Variants in CELSR1 observed in about 807,000 individuals in gnomAD.
CELSR1 encodes the protein cadherin EGF LAG seven-pass G-type receptor 1, also known as adhesion G protein-coupled receptor C1.
In CELSR1, 110 loss-of-function variants were observed where a neutral mutation model predicts 249.1. The observed-to-expected ratio is 0.44, with a 90% confidence interval of 0.38 to 0.52. The LOEUF (loss-of-function observed/expected upper bound fraction) is 0.52. Ranked by LOEUF, CELSR1 falls within the 20% of genes least tolerant of loss-of-function variation. CELSR1 has a pLI of 0.00. For synonymous variants in CELSR1, 2,113 were observed against 1,900.0 expected (o/e 1.11, Z -2.92); for missense variants, 4,109 against 4,296.4 (o/e 0.96, Z 1.22).
At chr22:46,382,383 TTC>T (rs1282494416) in intron 20 of CELSR1, among the ~76,000 whole-genome samples, 1 of 152,154 alleles carries the variant, frequency 6.6e-6, no homozygotes, top group Non-Finnish European at 1.5e-5. Context: ...GTTCACGCCA[TTC>T]TCCTGCCTCA....
intron 14 of CELSR1, 40 bp downstream of exon 14, chr22:46,394,102 G>C: frequency 6.3e-7 from 1 of 1,598,814 alleles, no homozygotes; most frequent in South Asian, 1.1e-5. Context: ...ATGTGTGTGA[G>C]CAAACACAGC....
Position 46,500,942 on chromosome 22 carries a change from C to T in CELSR1, c.3544+32685G>A, listed in dbSNP as rs2080460100. On this transcript the variant is annotated intron_variant, in intron 1 of 34. Coordinates refer to ENST00000674500, the MANE Select transcript of CELSR1 (RefSeq NM_001378328.1). This position sits in a 1 kb window ranked among gnomAD's most constrained non-coding sequence, Gnocchi z 4.9. The stretch of plus-strand genomic sequence containing the variant: ...AGTGCTGAGAACCCTGTTTCTAACA[C>T]CCCTCCAGAGACCCAAAGATCTGAA... 6.6e-6 allele frequency among the ~76,000 whole-genome samples: 1 copy of T among 152,136 alleles called. No individual in the cohort carries two copies. The highest frequency in any genetic ancestry group is 2.4e-5 in the African/African-American group (1 of 41,444).
chr22:46,499,475 C>T (rs1217081792), intron 1 of CELSR1, among the ~76,000 whole-genome samples: 1 of 152,134 alleles, frequency 6.6e-6, no homozygotes, highest in Non-Finnish European at 1.5e-5. Flanking sequence ...ATGCCAGTGG[C>T]GAGAATATCA....
intron 2 of CELSR1, among the ~76,000 whole-genome samples, chr22:46,449,915 A>G (rs1415948267): frequency 6.6e-6 from 1 of 151,730 alleles, no homozygotes. Context: ...AGCCTCCAAC[A>G]TACATGGCTC....
chr22:46,421,448 G>T (rs1228031859), intron 5 of CELSR1, among the ~76,000 whole-genome samples: 2 of 152,168 alleles, frequency 1.3e-5, no homozygotes, highest in Non-Finnish European at 2.9e-5. Context: ...TAACACAAAG[G>T]CCCAGGGTGG....
At position 46,441,306 on chromosome 22, in the gene CELSR1, C is replaced by T. The variant is rs564868545; in HGVS notation, c.4184-1895G>A. Among the ~76,000 whole-genome samples, 3 of 152,132 alleles carry T rather than the reference C, an allele frequency of 2.0e-5. No homozygotes were observed. Among genetic ancestry groups the T allele is most frequent in the Non-Finnish European group, 4.4e-5 (3 of 68,014 alleles). On this transcript the variant is annotated intron_variant, in intron 2 of 34. Coordinates refer to ENST00000674500, the MANE Select transcript of CELSR1 (RefSeq NM_001378328.1). The surrounding 1 kb of genome is among the most constrained non-coding windows in gnomAD (Gnocchi z 6.1). ...GAGTCCCCAGAGTGGGATGGCTCCA[C>T]GATGGGCCCTTTGGACAGGCACCTG...
chr22:46,378,045 G>A (rs1027357363), intron 23 of CELSR1, among the ~76,000 whole-genome samples: 2 of 137,926 alleles, frequency 1.5e-5, no homozygotes, highest in African/African-American at 5.5e-5. Flanking sequence ...CCAGGACAGC[G>A]CTCGGGCCAT....
Position 46,423,969 on chromosome 22 carries a change from A to C in CELSR1, c.4611+9424T>G, listed in dbSNP as rs776366909. ...TGACAGAGTGAGACTGCATCTCAAA[A>C]CAAACAAAGAAAAAAAACACAAGTT... is the stretch of plus-strand genomic sequence containing the variant. On this transcript the variant is annotated intron_variant, in intron 5 of 34. Transcript: ENST00000674500. This position sits in a 1 kb window ranked among gnomAD's most constrained non-coding sequence, Gnocchi z 5.6. Among the ~76,000 whole-genome samples the C allele has an allele frequency of 6.6e-6, 1 of 152,180 alleles. No homozygotes were observed. Among genetic ancestry groups the C allele is most frequent in the Non-Finnish European group, 1.5e-5 (1 of 68,044 alleles).
chr22:46,415,949 C>T (rs1313107037), intron 5 of CELSR1, among the ~76,000 whole-genome samples: 1 of 152,236 alleles, frequency 6.6e-6, no homozygotes, highest in African/African-American at 2.4e-5. Flanking sequence ...CGCTGAAAGG[C>T]CGGCGTGGAG....
chr22:46,494,892 G>T (rs1376354032), intron 1 of CELSR1, among the ~76,000 whole-genome samples: 1 of 152,104 alleles, frequency 6.6e-6, no homozygotes, highest in African/African-American at 2.4e-5. Context: ...TTATACTATT[G>T]TAGGTTATAT....
chr22:46,468,661 A>T lies in CELSR1; in HGVS notation c.3545-4316T>A, dbSNP rs550326427. ...GGGTTTCAGTTTGGGGCCATGAAAA[A>T]GTTCTGGAGATAGATGGTGGTGATG... On this transcript the variant is annotated intron_variant, in intron 1 of 34. Transcript: ENST00000674500. This position sits in a 1 kb window ranked among gnomAD's most constrained non-coding sequence, Gnocchi z 4.5. 6.6e-6 allele frequency among the ~76,000 whole-genome samples: 1 copy of T among 152,264 alleles called. No individual in the cohort carries two copies. Among genetic ancestry groups the T allele is most frequent in the East Asian group, 1.9e-4 (1 of 5,188 alleles).
At chr22:46,513,915 C>CA (rs796514518) in intron 1 of CELSR1, among the ~76,000 whole-genome samples, 1 of 151,902 alleles carries the variant, frequency 6.6e-6, no homozygotes, top group African/African-American at 2.4e-5. Context: ...GCCTCAGCCC[C>CA]CCCCGAGTAG....
At chr22:46,431,020 G>A (rs914722758) in intron 5 of CELSR1, among the ~76,000 whole-genome samples, 1 of 152,228 alleles carries the variant, frequency 6.6e-6, no homozygotes, top group African/African-American at 2.4e-5. Context: ...GCAAGAGAGA[G>A]AAGTATCTGG....
At chr22:46,405,658 A>G (rs1316863813) in intron 9 of CELSR1, among the ~76,000 whole-genome samples, 1 of 152,086 alleles carries the variant, frequency 6.6e-6, no homozygotes, top group Non-Finnish European at 1.5e-5. Flanking sequence ...CAGCAATCTC[A>G]AGGTTATCCC....
rs1361059314 is a variant in CELSR1, at chr22:46,363,445, G to A, written c.9036-198C>T. 2 of 553,382 alleles carry A rather than the reference G, an allele frequency of 3.6e-6. No individual in the cohort carries two copies. The highest frequency in any genetic ancestry group is 3.0e-5 in the East Asian group (1 of 32,954). The allele number at this position is 553,382 out of a possible 1,614,324, so 34.3% of individuals were successfully genotyped here. ...GAGAGGGGACCAGGACCAGCCTGTG[G>A]GCCTCTGTGTTGCTGGTCTTTCAGA... On this transcript the variant is annotated intron_variant, in intron 34 of 34. Coordinates refer to ENST00000674500, the MANE Select transcript of CELSR1 (RefSeq NM_001378328.1). This position sits in a 1 kb window ranked among gnomAD's most constrained non-coding sequence, Gnocchi z 4.3.
intron 1 of CELSR1, among the ~76,000 whole-genome samples, chr22:46,519,032 CA>C (rs981048240): frequency 1.2e-3 from 174 of 139,838 alleles, no homozygotes; most frequent in Admixed American, 1.3e-3. Context: ...GACTCTGTAT[CA>C]AAAAAAAAAA....
At chr22:46,435,761 C>T (rs986299896) in intron 4 of CELSR1, among the ~76,000 whole-genome samples, 3 of 152,088 alleles carry the variant, frequency 2.0e-5, no homozygotes, top group Non-Finnish European at 2.9e-5. Flanking sequence ...GGTGCAGTGG[C>T]GTGATCTCAC....
intron 1 of CELSR1, among the ~76,000 whole-genome samples, chr22:46,474,014 C>G (rs2080181912): frequency 6.6e-6 from 1 of 152,148 alleles, no homozygotes; most frequent in African/African-American, 2.4e-5. Context: ...GTCAGGATGT[C>G]AAGCCACGAG....
chr22:46,376,269 T>C (rs1228048547), intron 24 of CELSR1, among the ~76,000 whole-genome samples: 1 of 152,262 alleles, frequency 6.6e-6, no homozygotes, highest in African/African-American at 2.4e-5. Context: ...TTTTAAAATG[T>C]TAAACCATCC....
Sources: gnomAD v4.1 joint callset for allele counts (sites outside exome capture counted in the v4.1 genomes callset) on GRCh38, gnomAD v4.1.1 for gene constraint, Gnocchi (gnomAD v3.1) non-coding constraint, MANE v1.5 for transcripts, NCBI Gene and HGNC (gene_info 2026-07-23, HGNC 2026-07-21) for gene names.